Variants in ADNP observed in about 807,000 individuals in gnomAD.
ADNP encodes activity dependent neuroprotector homeobox.
ADNP carries 4 observed loss-of-function variants against 84.9 expected under a neutral mutation model. That is an observed-to-expected ratio of 0.05 (90% CI 0.02 to 0.11). ADNP has a LOEUF of 0.11. Among genes scored for constraint, ADNP ranks in the 10% least tolerant of loss-of-function variants. ADNP has a pLI of 1.00. For synonymous variants in ADNP, 554 were observed against 468.1 expected, an observed-to-expected ratio of 1.18 and a Z score of -2.37; for missense variants, 1,132 against 1,326.0, an observed-to-expected ratio of 0.85 and a Z score of 2.27.
At chr20:50,916,702 TA>T (rs1408700764) in intron 2 of ADNP, among the ~76,000 whole-genome samples, 2 of 152,128 alleles carry the variant, frequency 1.3e-5, no homozygotes, top group East Asian at 1.9e-4. Flanking sequence ...ACATATGACA[TA>T]AAAAATATTT....
intron 2 of ADNP, among the ~76,000 whole-genome samples, chr20:50,923,359 C>A (rs1036167704): frequency 3.9e-5 from 6 of 152,142 alleles, no homozygotes; most frequent in African/African-American, 1.4e-4. Flanking sequence ...AATATTTAAA[C>A]TATGTTCTCA....
At chr20:50,925,260 CTA>C (rs1984208957) in intron 2 of ADNP, among the ~76,000 whole-genome samples, 1 of 86,158 alleles carries the variant, frequency 1.2e-5, no homozygotes, top group Non-Finnish European at 2.2e-5. Context: ...CTGTGACTTC[CTA>C]TACACACACA....
At chr20:50,914,812 G>C (rs1365421425) in intron 2 of ADNP, among the ~76,000 whole-genome samples, 1 of 152,150 alleles carries the variant, frequency 6.6e-6, no homozygotes, top group Non-Finnish European at 1.5e-5. Context: ...ATCCTAACTT[G>C]TTTCTCAAGC....
chr20:50,899,333 C>T (rs780559134), intron 5 of ADNP, among the ~76,000 whole-genome samples: 1 of 152,008 alleles, frequency 6.6e-6, no homozygotes, highest in Non-Finnish European at 1.5e-5. Flanking sequence ...CACTTCCAAC[C>T]TCCAGTAGCT....
chr20:50,921,693 A>G (rs1164148132), intron 2 of ADNP, among the ~76,000 whole-genome samples: 1 of 152,200 alleles, frequency 6.6e-6, no homozygotes, highest in Non-Finnish European at 1.5e-5. Flanking sequence ...AGAGTTTAAG[A>G]TATGTATACA....
Position 50,894,324 on chromosome 20 carries a change from A to G in ADNP, c.390T>C (p.Ala130=). ...TGCTACTTGGTGCGCTGGCGTTCGGAGCATGAAATATTTTAATGTGTGTTT... is the reference window on the plus strand; with the variant it reads ...TGCTACTTGGTGCGCTGGCGTTCGGGGCATGAAATATTTTAATGTGTGTTT... ...TLETHIKIFH[A]PNASAPSSSL... The change falls in exon 6 of 6, where the codon GCT becomes GCC. Residue 130 remains alanine, a synonymous_variant. Coordinates refer to ENST00000621696, the MANE Select transcript of ADNP (RefSeq NM_001282531.3). The G allele has an allele frequency of 1.2e-6, 2 of 1,613,682 alleles. No homozygotes were observed. The highest frequency in any genetic ancestry group is 2.2e-5 in the South Asian group (2 of 90,954).
At chr20:50,910,955 A>G (rs1225374843) in intron 2 of ADNP, among the ~76,000 whole-genome samples, 1 of 152,188 alleles carries the variant, frequency 6.6e-6, no homozygotes, top group Non-Finnish European at 1.5e-5. Flanking sequence ...TGCCCAGCCA[A>G]CGTTCAATTC....
intron 2 of ADNP, among the ~76,000 whole-genome samples, chr20:50,911,295 C>A (rs938563010): frequency 1.3e-5 from 2 of 152,166 alleles, no homozygotes; most frequent in Non-Finnish European, 2.9e-5. Flanking sequence ...AGACCAATGT[C>A]CATGAGAGTT....
chr20:50,912,404 C>T (rs1301437077), intron 2 of ADNP, among the ~76,000 whole-genome samples: 1 of 152,126 alleles, frequency 6.6e-6, no homozygotes, highest in Non-Finnish European at 1.5e-5. Flanking sequence ...CCTGTCTTGG[C>T]CTCCCAAAGT....
At chr20:50,922,645 T>A (rs111306010) in intron 2 of ADNP, among the ~76,000 whole-genome samples, 1,559 of 147,754 alleles carry the variant, frequency 0.011, 28 homozygotes, top group African/African-American at 0.037. Context: ...AGTGGTGCAA[T>A]CTCGCCTCAC....
chr20:50,891,904 T>A lies in ADNP; in HGVS notation c.2810A>T (p.Glu937Val), dbSNP rs373951274. ...LDQKEDGSKYETIHLTEEPTK... is the reference protein window; with the variant it reads ...LDQKEDGSKYVTIHLTEEPTK... ...TGGTTCCTCAGTCAAATGAATAGTT[T>A]CGTATTTTGAACCATCCTCTTTTTG... The change falls in exon 6 of 6, where the codon GAA becomes GTA. Residue 937 changes from glutamate to valine, a missense_variant. Around this residue, in one of 10 missense-constraint regions of ADNP, gnomAD observed 381 missense variants for 319.9 expected, o/e 1.19. Transcript: ENST00000621696. 2.5e-6 allele frequency: 4 copies of A among 1,614,114 alleles called. No individual in the cohort carries two copies. The African/African-American group carries it at 4.0e-5, about 16-fold the overall frequency.
At chr20:50,897,237 G>A (rs1482623610) in intron 5 of ADNP, among the ~76,000 whole-genome samples, 2 of 152,204 alleles carry the variant, frequency 1.3e-5, no homozygotes, top group African/African-American at 2.4e-5. Context: ...CACCAAGCCC[G>A]GCCACGTGTT....
At chr20:50,910,002 A>G (rs140609281) in intron 2 of ADNP, among the ~76,000 whole-genome samples, 306 of 152,310 alleles carry the variant, frequency 2.0e-3, no homozygotes, top group African/African-American at 6.9e-3. Flanking sequence ...CACACACATT[A>G]TCGTTTCTGC....
In ADNP at chr20:50,913,692, T is replaced by G. The variant is rs534420739; in HGVS notation, c.-89-8843A>C. 6.8e-6 allele frequency: 2 copies of G among 295,166 alleles called. 1 individual carries two copies. Among genetic ancestry groups the G allele is most frequent in the African/African-American group, 4.4e-5 (2 of 45,948 alleles). 18.3% of individuals were successfully genotyped at this position (295,166 alleles called of 1,614,324 possible). A position where few individuals can be genotyped will look rare whatever the true frequency, so the allele number is the denominator to read the frequency against. On this transcript the variant is annotated intron_variant, in intron 2 of 5. Transcript: ENST00000621696. Reference sequence around the variant, plus strand: ...ATTTAGTACCTGTTAAGATAAAAACTAATCAGAAAGAAAACATCAATCCTG... The same window carrying G: ...ATTTAGTACCTGTTAAGATAAAAACGAATCAGAAAGAAAACATCAATCCTG...
chr20:50,919,289 G>GTATATATATATATATATATA (rs1359779030), intron 2 of ADNP, among the ~76,000 whole-genome samples: 36 of 64,666 alleles, frequency 5.6e-4, no homozygotes, highest in African/African-American at 1.8e-3. Flanking sequence ...ATATATTTAA[G>GTATATATATATATATATATA]TGTATATATA....
intron 5 of ADNP, among the ~76,000 whole-genome samples, chr20:50,899,918 G>T (rs1033201272): frequency 4.1e-5 from 6 of 145,838 alleles, no homozygotes; most frequent in Non-Finnish European, 8.9e-5. Flanking sequence ...TATGAAGAGT[G>T]AAAGGACAAA....
intron 2 of ADNP, chr20:50,909,902 A>C (rs576724512): frequency 6.6e-5 from 10 of 152,292 alleles, no homozygotes; most frequent in African/African-American, 2.4e-4. Flanking sequence ...AAGCAAAGGG[A>C]ACAATTCCTA....
chr20:50,898,850 G>C (rs1252942139), intron 5 of ADNP, among the ~76,000 whole-genome samples: 1 of 152,158 alleles, frequency 6.6e-6, no homozygotes, highest in Non-Finnish European at 1.5e-5. Context: ...AAAATAAAAA[G>C]TATATATAGT....
In ADNP at chr20:50,890,935, A is replaced by G. The variant is rs1187370124; in HGVS notation, c.*470T>C. On this transcript the variant is annotated 3_prime_UTR_variant, in exon 6 of 6. Coordinates refer to ENST00000621696, the MANE Select transcript of ADNP (RefSeq NM_001282531.3). ...CATGAGCATCACTTGAATAGGTCTA[A>G]AAGACTGTACAAATATACATTTCAA... is the stretch of plus-strand genomic sequence containing the variant. The G allele has an allele frequency of 1.0e-6, 1 of 987,380 alleles. No individual in the cohort carries two copies. The allele number at this position is 987,380 out of a possible 1,614,324, so 61.2% of individuals were successfully genotyped here.
Sources: allele counts gnomAD v4.1 joint callset (sites outside exome capture counted in the v4.1 genomes callset), GRCh38; gene constraint gnomAD v4.1.1; regional missense constraint gnomAD v4.1.1; transcripts MANE v1.5; gene names NCBI Gene and HGNC (gene_info 2026-07-23, HGNC 2026-07-21).